SH3BGRL: variants seen among roughly 807,000 people sequenced by gnomAD.
SH3BGRL encodes SH3 domain binding glutamate rich protein like, also known as adapter SH3BGRL.
A neutral mutation model predicts 9.8 loss-of-function variants in SH3BGRL; 7 were observed. The observed-to-expected ratio is 0.72, with a 90% CI of 0.41 to 1.35. The LOEUF is 1.35. SH3BGRL is among the 40% of genes most tolerant of loss of function. SH3BGRL has a pLI of 0.01. For synonymous variants in SH3BGRL, 36 were observed against 29.1 expected, an observed-to-expected ratio of 1.24 and a Z score of -0.76; for missense variants, 73 against 84.4, an observed-to-expected ratio of 0.86 and a Z score of 0.53.
chrX:81,262,958 C>T (rs926977072), intron 1 of SH3BGRL, among the ~76,000 whole-genome samples: 46 of 111,515 alleles, frequency 4.1e-4, no homozygotes, highest in African/African-American at 1.5e-3. Context: ...TCCAGATAGC[C>T]TATCAACTAA....
chrX:81,237,265 A>C (rs1468027363), intron 1 of SH3BGRL: 1 of 336,054 alleles, frequency 3.0e-6, no homozygotes, highest in African/African-American at 2.6e-5. Context: ...AAACCTTTGT[A>C]AGAACTCAAA....
chrX:81,206,812 G>C (rs1348952762), intron 1 of SH3BGRL, among the ~76,000 whole-genome samples: 1 of 111,981 alleles, frequency 8.9e-6, no homozygotes, highest in Non-Finnish European at 1.9e-5. Context: ...AGCCTAAACT[G>C]GTCTGGTATA....
chrX:81,225,106 T>G (rs1433948413), intron 1 of SH3BGRL, among the ~76,000 whole-genome samples: 1 of 111,184 alleles, frequency 9.0e-6, no homozygotes, highest in Admixed American at 9.6e-5. Context: ...TTCAAGCCTT[T>G]CAAGTCTGAG....
intron 1 of SH3BGRL, among the ~76,000 whole-genome samples, chrX:81,247,471 G>A (rs921822858): frequency 3.6e-5 from 4 of 111,490 alleles, no homozygotes; most frequent in Non-Finnish European, 7.5e-5. Context: ...TTATTTTGAG[G>A]TATGGTTCTT....
chrX:81,211,367 C>T (rs1170139333), intron 1 of SH3BGRL, among the ~76,000 whole-genome samples: 1 of 111,333 alleles, frequency 9.0e-6, no homozygotes, highest in Non-Finnish European at 1.9e-5. Context: ...GGGCGGATCA[C>T]GAGGTCAGGA....
intron 1 of SH3BGRL, among the ~76,000 whole-genome samples, chrX:81,205,780 A>G (rs2075545628): frequency 9.1e-6 from 1 of 109,699 alleles, no homozygotes; most frequent in African/African-American, 3.3e-5. Flanking sequence ...TGTTTTTTTG[A>G]GAAATCTCTG....
intron 1 of SH3BGRL, among the ~76,000 whole-genome samples, chrX:81,262,865 A>G (rs1457637993): frequency 8.9e-6 from 1 of 112,229 alleles, no homozygotes; most frequent in Non-Finnish European, 1.9e-5. Flanking sequence ...TTGTGAGATC[A>G]ATCAGTTTTA....
chrX:81,286,498 CAAAAAAAAAAA>C (rs570813241), intron 3 of SH3BGRL, among the ~76,000 whole-genome samples: 1,368 of 46,408 alleles, frequency 0.029, 34 homozygotes, highest in African/African-American at 0.12. Context: ...AGCTACTAGG[CAAAAAAAAAAA>C]AAAAAAAAAA....
In SH3BGRL at chrX:81,266,707, A is replaced by G. The variant is rs2075758303; in HGVS notation, c.46-10277A>G. 5.4e-5 allele frequency among the ~76,000 whole-genome samples: 6 copies of G among 111,912 alleles called. No individual in the cohort carries two copies. The South Asian group carries it at 2.2e-3, about 41-fold the overall frequency. On this transcript the variant is annotated intron_variant, in intron 1 of 3. Coordinates refer to ENST00000373212, the MANE Select transcript of SH3BGRL (RefSeq NM_003022.3). ...TATGCGGGCTGTTTTTTGGTTTCAT[A>G]TGAAGTTTAAAGTAGTTTTTCCCAA...
intron 1 of SH3BGRL, among the ~76,000 whole-genome samples, chrX:81,256,064 CCTTACTCCTCATTATTTCA>C (rs1407403573): frequency 8.9e-6 from 1 of 111,900 alleles, no homozygotes; most frequent in East Asian, 2.8e-4. Flanking sequence ...TCAATAACTT[CCTTACTCCTCATTATTTCA>C]CAATGTTTTT....
chrX:81,218,476 C>G (rs1221505984), intron 1 of SH3BGRL, among the ~76,000 whole-genome samples: 1 of 109,146 alleles, frequency 9.2e-6, no homozygotes, highest in African/African-American at 3.3e-5. Context: ...CTCAAAAAGA[C>G]TTTATCTGTC....
chrX:81,272,864 C>T (rs184302962), intron 1 of SH3BGRL, among the ~76,000 whole-genome samples: 14 of 111,223 alleles, frequency 1.3e-4, no homozygotes, highest in Non-Finnish European at 5.7e-5. Flanking sequence ...ATAAATGGAG[C>T]CAAATGGAGG....
intron 1 of SH3BGRL, among the ~76,000 whole-genome samples, chrX:81,238,857 G>A (rs1428106636): frequency 9.2e-6 from 1 of 109,212 alleles, no homozygotes; most frequent in Non-Finnish European, 1.9e-5. Context: ...TTGGGAGAAG[G>A]TAAGGGAAGA....
chrX:81,251,175 C>G (rs1424864624), intron 1 of SH3BGRL, among the ~76,000 whole-genome samples: 1 of 111,893 alleles, frequency 8.9e-6, no homozygotes, highest in African/African-American at 3.2e-5. Flanking sequence ...TATGCAATAT[C>G]ATTTAAAATA....
chrX:81,297,440 A>G lies in SH3BGRL; in HGVS notation c.*213A>G, dbSNP rs2075879062. Reference sequence around the variant, plus strand: ...GAGAATGGGATATTAACATAAAATTATATTAATAAGTAGATATCGTAGAAA... The same window carrying G: ...GAGAATGGGATATTAACATAAAATTGTATTAATAAGTAGATATCGTAGAAA... On this transcript the variant is annotated 3_prime_UTR_variant, in exon 4 of 4. Coordinates refer to ENST00000373212, the MANE Select transcript of SH3BGRL (RefSeq NM_003022.3). The G allele has an allele frequency of 8.6e-6, 3 of 347,249 alleles. No individual in the cohort carries two copies. The highest frequency in any genetic ancestry group is 5.8e-5 in the South Asian group (1 of 17,382). The allele number at this position is 347,249 out of a possible 1,213,427, so 28.6% of individuals were successfully genotyped here. A position where few individuals can be genotyped will look rare whatever the true frequency, so the allele number is the denominator to read the frequency against.
At chrX:81,236,250 G>A (rs1158628401) in intron 1 of SH3BGRL, among the ~76,000 whole-genome samples, 1 of 111,495 alleles carries the variant, frequency 9.0e-6, no homozygotes, top group Non-Finnish European at 1.9e-5. Context: ...CAAGGATTCT[G>A]CATTTTAAGC....
rs1210216441 is a variant in SH3BGRL, at chrX:81,219,812, C to A, written c.45+17567C>A. Among the ~76,000 whole-genome samples, 4 of 111,247 alleles carry A rather than the reference C, an allele frequency of 3.6e-5. No individual in the cohort carries two copies. The East Asian group carries it at 8.5e-4, about 24-fold the overall frequency. On this transcript the variant is annotated intron_variant, in intron 1 of 3. Coordinates refer to ENST00000373212, the MANE Select transcript of SH3BGRL (RefSeq NM_003022.3). The stretch of plus-strand genomic sequence containing the variant: ...TATGTTTCAATCCCCAGTATTTTGA[C>A]ACTTGCTGTCATGAAGGTATGTTGA...
chrX:81,220,994 A>T (rs1356360724), intron 1 of SH3BGRL, among the ~76,000 whole-genome samples: 1 of 110,998 alleles, frequency 9.0e-6, no homozygotes, highest in Non-Finnish European at 1.9e-5. Flanking sequence ...TTATAATTTC[A>T]TTTTTGAGGA....
chrX:81,235,721 A>G (rs1259418936), intron 1 of SH3BGRL, among the ~76,000 whole-genome samples: 1 of 111,253 alleles, frequency 9.0e-6, no homozygotes, highest in Non-Finnish European at 1.9e-5. Flanking sequence ...AACTGTACCC[A>G]TGGCTCTTGT....
Sources: allele counts gnomAD v4.1 joint callset (sites outside exome capture counted in the v4.1 genomes callset), GRCh38; gene constraint gnomAD v4.1.1; transcripts MANE v1.5; gene names NCBI Gene and HGNC (gene_info 2026-07-23, HGNC 2026-07-21).